CLUH: variants seen among roughly 807,000 people sequenced by gnomAD.
CLUH encodes clustered mitochondria protein homolog.
In CLUH, 77 loss-of-function variants were observed where a neutral mutation model predicts 139.3. That is an observed-to-expected ratio of 0.55 (90% CI 0.46 to 0.67). The LOEUF (loss-of-function observed/expected upper bound fraction) is 0.67, where lower values mean the gene tolerates loss of function less well. Among genes scored for constraint, CLUH ranks in the 30% least tolerant of loss-of-function variants. The pLI is 0.00. For missense variants in CLUH, 1,876 were observed against 1,875.8 expected, an observed-to-expected ratio of 1.00 and a Z score of 0.00; for synonymous variants, 999 against 801.6, an observed-to-expected ratio of 1.25 and a Z score of -4.16.
At position 2,701,208 on chromosome 17, in the gene CLUH, G is replaced by C; in HGVS notation, c.957C>G (p.Ser319=). ...KPASPRFLSH[S]LVELLNQISP... Reference sequence around the variant, plus strand: ...TGATCTGGTTGAGCAGCTCCACTAGGGAATGGCTTAGGAAGCGGGGGCTGG... The same window carrying C: ...TGATCTGGTTGAGCAGCTCCACTAGCGAATGGCTTAGGAAGCGGGGGCTGG... The change falls in exon 7 of 26, where the codon TCC becomes TCG. Residue 319 remains serine (S), a synonymous_variant. Transcript: ENST00000651024. 1 of 1,613,968 alleles carries C rather than the reference G, an allele frequency of 6.2e-7. No individual in the cohort carries two copies. Among genetic ancestry groups the C allele is most frequent in the Non-Finnish European group, 8.5e-7 (1 of 1,179,880 alleles).
At chr17:2,701,779 G>A in intron 4 of CLUH, 42 bp from the exon 5 acceptor site, 2 of 1,555,794 alleles carry the variant, frequency 1.3e-6, no homozygotes, top group Non-Finnish European at 1.7e-6. Flanking sequence ...GGCCACCCAG[G>A]GCCAGCTGTC....
intron 8 of CLUH, 90 bp from the exon 9 acceptor site, chr17:2,700,564 G>T: frequency 6.5e-7 from 1 of 1,540,770 alleles, no homozygotes; most frequent in Non-Finnish European, 8.7e-7. Flanking sequence ...CCTGAGAAGA[G>T]CCCCAGACTC....
chr17:2,700,938 G>A (rs2151712645), intron 7 of CLUH, 113 bp from the exon 8 acceptor site: 1 of 1,438,220 alleles, frequency 7.0e-7, no homozygotes, highest in East Asian at 2.4e-5. Context: ...CTGAGACACT[G>A]CCCTGGAGCC....
At chr17:2,698,630 C>A (rs761895444) in intron 9 of CLUH, 40 bp from the exon 10 acceptor site, 1 of 1,502,542 alleles carries the variant, frequency 6.7e-7, no homozygotes, top group South Asian at 1.3e-5. Context: ...AGGCCGCGCC[C>A]ACAAGAGCCT....
chr17:2,695,770 C>A (rs1471996864), intron 13 of CLUH: 2 of 601,984 alleles, frequency 3.3e-6, no homozygotes, highest in African/African-American at 1.9e-5. Flanking sequence ...CTTGGGGGCA[C>A]TACTTGACCC....
At chr17:2,708,040 G>A in intron 1 of CLUH, 1 of 981,630 alleles carries the variant, frequency 1.0e-6, no homozygotes, top group Non-Finnish European at 1.2e-6. Context: ...GGGGAGAACA[G>A]AGCTGGCAGC....
chr17:2,708,047 C>A, intron 1 of CLUH: 1 of 976,682 alleles, frequency 1.0e-6, no homozygotes, highest in Non-Finnish European at 1.2e-6. Flanking sequence ...ACAGAGCTGG[C>A]AGCAAGAGGC....
rs756431457 is a variant in CLUH at position 2,704,877 on chromosome 17, C to T, written c.101-313G>A. 2.6e-5 allele frequency among the ~76,000 whole-genome samples: 4 copies of T among 152,116 alleles called. No individual in the cohort carries two copies. The highest frequency in any genetic ancestry group is 5.9e-5 in the Non-Finnish European group (4 of 68,022). On this transcript the variant is annotated intron_variant, in intron 1 of 25. Coordinates refer to ENST00000651024, the MANE Select transcript of CLUH (RefSeq NM_001366661.1). The surrounding 1 kb of genome is among the most constrained non-coding windows in gnomAD (Gnocchi z 5.7). ...AGGGTCTCCTCCGGCCCTAACACAC[C>T]TAGCTTCCCAGCAGCAGTTCCCCTC...
At chr17:2,709,005 C>G (rs970846423) in intron 1 of CLUH, among the ~76,000 whole-genome samples, 1 of 152,158 alleles carries the variant, frequency 6.6e-6, no homozygotes, top group Non-Finnish European at 1.5e-5. Flanking sequence ...TTCTGCAGAG[C>G]GGGAGAGCCG....
chr17:2,711,031 CCT>C (rs2070501409), intron 1 of CLUH: 1 of 152,498 alleles, frequency 6.6e-6, no homozygotes, highest in Non-Finnish European at 1.5e-5. Flanking sequence ...CAGGGACGCC[CCT>C]CACAACGCAC....
chr17:2,691,275 C>A lies in CLUH; in HGVS notation c.3863+334G>T, dbSNP rs147379797. Among the ~76,000 whole-genome samples the A allele has an allele frequency of 3.4e-3, 520 of 152,262 alleles. 4 individuals carry two copies. Among genetic ancestry groups the A allele is most frequent in the South Asian group, 9.1e-3 (44 of 4,828 alleles). On this transcript the variant is annotated intron_variant, in intron 25 of 25. Transcript: ENST00000651024. ...ATGCGAGGATGCTGGGGAAGATAAG[C>A]GGGGCGGGCCGGGCGCGATGGCTCA...
chr17:2,694,967 GT>G lies in CLUH; in HGVS notation c.2741del (p.Asn914ThrfsTer15). Reference sequence around the variant, plus strand: ...TGTTATCTGCAGCCCCCGGGGGCCGGTTTTTCCTCCTCTTATTCCGCTTCTT... The same window carrying G: ...TGTTATCTGCAGCCCCCGGGGGCCGGTTTTCCTCCTCTTATTCCGCTTCTT... ...VSKKRNKRRK[N>X]RPPGAADNTA... On this transcript the variant is annotated frameshift_variant, in exon 16 of 26. Coordinates refer to ENST00000651024, the MANE Select transcript of CLUH (RefSeq NM_001366661.1). LOFTEE classifies it high-confidence loss of function. 2 of 1,613,184 alleles carry G rather than the reference GT, an allele frequency of 1.2e-6. No homozygotes were observed. Among genetic ancestry groups the G allele is most frequent in the East Asian group, 2.2e-5 (1 of 44,858 alleles).
In CLUH at chr17:2,701,709, C is replaced by T. The variant is rs1269649590; in HGVS notation, c.648G>A (p.Glu216=). 6.3e-7 allele frequency: 1 copy of T among 1,578,960 alleles called. No homozygotes were observed. Among genetic ancestry groups the T allele is most frequent in the Non-Finnish European group, 8.6e-7 (1 of 1,162,360 alleles). Residue 216 remains glutamate, a synonymous_variant, in exon 5 of 26, where the codon GAG becomes GAA. Coordinates refer to ENST00000651024, the MANE Select transcript of CLUH (RefSeq NM_001366661.1). ...GTGGTGTGCAGTCGATGGGGTCCATCTCCAAGCCCTTCTTCCGCTTCCCGC... is the reference window on the plus strand; with the variant it reads ...GTGGTGTGCAGTCGATGGGGTCCATTTCCAAGCCCTTCTTCCGCTTCCCGC... The part of the protein sequence containing the change: ...GDSGKRKKGL[E]MDPIDCTPPE...
At chr17:2,692,505 C>T (rs2069734334) in intron 21 of CLUH, 23 bp from the exon 22 acceptor site, 1 of 1,597,184 alleles carries the variant, frequency 6.3e-7, no homozygotes. Context: ...GGTGGGGGGC[C>T]CTGGTCAGCT....
At chr17:2,698,659 G>C (rs1043302910) in intron 9 of CLUH, 69 bp from the exon 10 acceptor site, 37 of 1,416,352 alleles carry the variant, frequency 2.6e-5, no homozygotes, top group African/African-American at 5.7e-5. Context: ...CTGGCCAAGC[G>C]CACGCACCTA....
At chr17:2,705,004 G>A (rs1168122459) in intron 1 of CLUH, among the ~76,000 whole-genome samples, 1 of 152,024 alleles carries the variant, frequency 6.6e-6, no homozygotes. Flanking sequence ...CTGCAGGGGG[G>A]CTGCAGGGGA....
At chr17:2,692,759 C>T (rs201306902) in intron 20 of CLUH, 21 bp downstream of exon 20, 2 of 1,599,402 alleles carry the variant, frequency 1.3e-6, no homozygotes, top group Admixed American at 3.4e-5. Context: ...TCCCCCGGCG[C>T]GGGCGGCACT....
rs369238911 is a variant in CLUH, at chr17:2,694,537, G to C, written c.2880C>G (p.Thr960=). ...GGAGCGTTATCTTCTGCAGGCCGTA[G>C]GTCTCCACAGCCTGGTCCACGGTCT... The part of the protein sequence containing the change: ...ECETVDQAVE[T]YGLQKITLLR... The change falls in exon 17 of 26, where the codon ACC becomes ACG. Residue 960 remains threonine, a synonymous_variant. Coordinates refer to ENST00000651024, the MANE Select transcript of CLUH (RefSeq NM_001366661.1). 9 of 1,581,640 alleles carry C rather than the reference G, an allele frequency of 5.7e-6. No homozygotes were observed. In the African/African-American group the frequency reaches 8.1e-5, roughly 14 times the overall value.
chr17:2,691,062 C>A (rs1000721546), intron 25 of CLUH, among the ~76,000 whole-genome samples: 4 of 151,830 alleles, frequency 2.6e-5, no homozygotes, highest in Non-Finnish European at 4.4e-5. Context: ...CCTTGCTGAC[C>A]AAATCCACTC....
Sources: allele counts gnomAD v4.1 joint callset (sites outside exome capture counted in the v4.1 genomes callset), GRCh38; gene constraint gnomAD v4.1.1; non-coding constraint Gnocchi (gnomAD v3.1); transcripts MANE v1.5; gene names NCBI Gene and HGNC (gene_info 2026-07-23, HGNC 2026-07-21).